The following AVL9 variants were observed in gnomAD, a reference collection of about 807,000 sequenced individuals.
AVL9 encodes late secretory pathway protein AVL9 homolog.
In AVL9, 49 loss-of-function variants were observed where a neutral mutation model predicts 79.2. The ratio of observed to expected loss-of-function variants is 0.62; its 90% CI spans 0.49 to 0.79. The LOEUF (loss-of-function observed/expected upper bound fraction) is 0.79, where lower values mean the gene tolerates loss of function less well. Ranked by LOEUF, AVL9 falls within the 30% of genes least tolerant of loss-of-function variation. The probability of loss-of-function intolerance (pLI) is 0.00; values close to 1 mark genes in which losing one functional copy is unlikely to be tolerated. For missense variants in AVL9, 682 were observed against 776.8 expected, an observed-to-expected ratio of 0.88 and a Z score of 1.45; for synonymous variants, 299 against 280.6, an observed-to-expected ratio of 1.07 and a Z score of -0.65.
intron 8 of AVL9, among the ~76,000 whole-genome samples, chr7:32,556,365 T>C (rs760875361): frequency 2.6e-4 from 40 of 151,946 alleles, no homozygotes; most frequent in Non-Finnish European, 2.5e-4. Flanking sequence ...AATACAAAAA[T>C]TAGCCAGGCA....
intron 10 of AVL9, among the ~76,000 whole-genome samples, chr7:32,560,235 T>C (rs1790273017): frequency 7.8e-6 from 1 of 127,598 alleles, no homozygotes; most frequent in Non-Finnish European, 1.6e-5. Flanking sequence ...TAAATGTTTA[T>C]TATTTAAAAT....
At chr7:32,522,150 C>T (rs367760354) in intron 1 of AVL9, among the ~76,000 whole-genome samples, 2 of 152,350 alleles carry the variant, frequency 1.3e-5, no homozygotes, top group African/African-American at 4.8e-5. Flanking sequence ...GGAGCCCCCA[C>T]ACAGAGTCCC....
intron 15 of AVL9, among the ~76,000 whole-genome samples, chr7:32,583,564 A>C (rs925374815): frequency 6.6e-6 from 1 of 152,130 alleles, no homozygotes; most frequent in African/African-American, 2.4e-5. Flanking sequence ...CTGTGGTCCT[A>C]GCTACTTGGG....
intron 13 of AVL9, among the ~76,000 whole-genome samples, chr7:32,578,700 T>G (rs1285347494): frequency 6.6e-6 from 1 of 151,968 alleles, no homozygotes; most frequent in Non-Finnish European, 1.5e-5. Flanking sequence ...TCCCAGCTAC[T>G]CAGGAGGCTG....
intron 2 of AVL9, 150 bp from the exon 3 acceptor site, chr7:32,544,544 T>C (rs2128134920): frequency 1.7e-6 from 1 of 586,646 alleles, no homozygotes; most frequent in East Asian, 2.8e-5. Flanking sequence ...AGGAAACCAT[T>C]GGTTGTGGTG....
intron 10 of AVL9, 99 bp downstream of exon 10, chr7:32,559,563 GA>G: frequency 7.8e-7 from 1 of 1,286,438 alleles, no homozygotes. Flanking sequence ...TTTTCAGGTG[GA>G]AAAATTTCCT....
At chr7:32,554,471 G>T in intron 7 of AVL9, 87 bp from the exon 8 acceptor site, 7 of 789,056 alleles carry the variant, frequency 8.9e-6, no homozygotes, top group South Asian at 2.0e-5. Flanking sequence ...TAGTATTACT[G>T]ATTATGGTTA....
intron 1 of AVL9, among the ~76,000 whole-genome samples, chr7:32,503,324 A>C (rs1256860010): frequency 3.3e-5 from 4 of 123,046 alleles, no homozygotes; most frequent in Non-Finnish European, 6.7e-5. Flanking sequence ...TAAAAGATAT[A>C]TATATATATC....
rs1164196871 is a variant in AVL9 at position 32,579,475 on chromosome 7, TATTATATATAATATATTAC to T, written c.1689-741_1689-723del. 8.2e-4 allele frequency among the ~76,000 whole-genome samples: 8 copies of T among 9,808 alleles called. 2 individuals are homozygous for T. Among genetic ancestry groups the T allele is most frequent in the Admixed American group, 5.3e-3 (2 of 380 alleles). 6.4% of individuals were successfully genotyped at this position (9,808 alleles called of 152,430 possible). A position where few individuals can be genotyped will look rare whatever the true frequency, so the allele number is the denominator to read the frequency against. ...ATTATATATTATATATAATATATTA[TATTATATATAATATATTAC>T]ATATTATATATTATATATTATATTA... is the stretch of plus-strand genomic sequence containing the variant. On this transcript the variant is annotated intron_variant, in intron 13 of 15. Coordinates refer to ENST00000318709, the MANE Select transcript of AVL9 (RefSeq NM_015060.3).
chr7:32,542,996 A>T, intron 1 of AVL9, 145 bp from the exon 2 acceptor site: 1 of 967,354 alleles, frequency 1.0e-6, no homozygotes, highest in Non-Finnish European at 1.5e-6. Context: ...TCCATGCCAT[A>T]GGTTTGCTGA....
At chr7:32,520,563 G>C (rs1244612228) in intron 1 of AVL9, among the ~76,000 whole-genome samples, 4 of 152,164 alleles carry the variant, frequency 2.6e-5, no homozygotes, top group East Asian at 3.8e-4. Flanking sequence ...AACTCTTCCT[G>C]TAAAACACCA....
chr7:32,537,466 T>G (rs959969573), intron 1 of AVL9: 3 of 145,196 alleles, frequency 2.1e-5, no homozygotes, highest in African/African-American at 7.6e-5. Flanking sequence ...GAGTTTTTTT[T>G]TTTTTTTTTT....
chr7:32,508,614 C>T (rs970099348), intron 1 of AVL9, among the ~76,000 whole-genome samples: 4 of 152,134 alleles, frequency 2.6e-5, no homozygotes, highest in African/African-American at 9.7e-5. Context: ...TGTTTTTACC[C>T]TTTCACATTA....
intron 3 of AVL9, among the ~76,000 whole-genome samples, chr7:32,548,144 C>CTGTCTTTTTTTTTTTTTT (rs1227025763): frequency 1.1e-3 from 64 of 57,578 alleles, no homozygotes; most frequent in African/African-American, 3.2e-3. Context: ...TTTGTCATCT[C>CTGTCTTTTTTTTTTTTTT]TTTTTTCTTT....
chr7:32,541,934 C>A (rs928583756), intron 1 of AVL9, among the ~76,000 whole-genome samples: 1 of 151,992 alleles, frequency 6.6e-6, no homozygotes, highest in African/African-American at 2.4e-5. Context: ...AGGCTGGTCT[C>A]GAACTTCTGG....
At chr7:32,523,803 G>A (rs550295361) in intron 1 of AVL9, among the ~76,000 whole-genome samples, 155 of 146,184 alleles carry the variant, frequency 1.1e-3, no homozygotes, top group African/African-American at 3.6e-3. Flanking sequence ...GCACGATCTC[G>A]GCTCACTGCA....
chr7:32,508,556 C>T (rs1390697377), intron 1 of AVL9, among the ~76,000 whole-genome samples: 3 of 152,112 alleles, frequency 2.0e-5, no homozygotes, highest in Admixed American at 6.6e-5. Context: ...TAGCACATCT[C>T]GAATGTTCAG....
At chr7:32,548,515 T>C (rs1284814040) in intron 3 of AVL9, among the ~76,000 whole-genome samples, 1 of 152,230 alleles carries the variant, frequency 6.6e-6, no homozygotes, top group African/African-American at 2.4e-5. Context: ...TGTCCATTTA[T>C]AACCAGAATC....
chr7:32,509,084 T>C (rs1787538829), intron 1 of AVL9, among the ~76,000 whole-genome samples: 2 of 152,350 alleles, frequency 1.3e-5, no homozygotes, highest in African/African-American at 4.8e-5. Context: ...TGCTCTCATC[T>C]GGGTAGGATC....
Sources: gnomAD v4.1 joint callset for allele counts (sites outside exome capture counted in the v4.1 genomes callset) on GRCh38, gnomAD v4.1.1 for gene constraint, MANE v1.5 for transcripts, NCBI Gene and HGNC (gene_info 2026-07-23, HGNC 2026-07-21) for gene names.